Variants in FBXO34 observed in about 807,000 individuals in gnomAD.
The protein encoded by FBXO34 is F-box only protein 34.
FBXO34 carries 12 observed loss-of-function variants against 24.5 expected under a neutral mutation model. The observed-to-expected ratio is 0.49, with a 90% CI of 0.31 to 0.79. The LOEUF (loss-of-function observed/expected upper bound fraction) is 0.79. Among genes scored for constraint, FBXO34 ranks in the 30% least tolerant of loss-of-function variants. The pLI is 0.04. For missense variants in FBXO34, 823 were observed against 857.7 expected (o/e 0.96, Z 0.51); for synonymous variants, 320 against 311.9 (o/e 1.03, Z -0.27).
intron 1 of FBXO34, among the ~76,000 whole-genome samples, chr14:55,307,446 A>G (rs1882591033): frequency 6.6e-6 from 1 of 152,230 alleles, no homozygotes; most frequent in East Asian, 1.9e-4. Flanking sequence ...CACTTCTGTG[A>G]TTAAACACTT....
chr14:55,289,232 T>A (rs1881861942), intron 1 of FBXO34, among the ~76,000 whole-genome samples: 1 of 152,092 alleles, frequency 6.6e-6, no homozygotes, highest in Non-Finnish European at 1.5e-5. Context: ...CTAGTAGTTC[T>A]TAGGTAATTA....
chr14:55,302,582 C>G (rs1485131232), intron 1 of FBXO34, among the ~76,000 whole-genome samples: 1 of 151,184 alleles, frequency 6.6e-6, no homozygotes, highest in Non-Finnish European at 1.5e-5. Context: ...TGAGCCACTG[C>G]ACTTGGCCCG....
the FBXO34 span, among the ~76,000 whole-genome samples, chr14:55,415,443 G>A: frequency 3.3e-5 from 5 of 152,086 alleles, no homozygotes; most frequent in Non-Finnish European, 5.9e-5. Flanking sequence ...ACAATTTCAC[G>A]CCTTGGTAAA....
chr14:55,377,119 G>T, the FBXO34 span, among the ~76,000 whole-genome samples: 1 of 152,158 alleles, frequency 6.6e-6, no homozygotes, highest in African/African-American at 2.4e-5. Context: ...AGCCGAAGCG[G>T]GTGGATCACC....
chr14:55,409,085 C>T, the FBXO34 span, among the ~76,000 whole-genome samples: 5 of 152,136 alleles, frequency 3.3e-5, no homozygotes, highest in East Asian at 1.9e-4. Context: ...GAGATCACTA[C>T]GTAGTCAGGA....
At chr14:55,334,952 A>G (rs1188186510) in intron 1 of FBXO34, among the ~76,000 whole-genome samples, 1 of 152,136 alleles carries the variant, frequency 6.6e-6, no homozygotes, top group Non-Finnish European at 1.5e-5. Flanking sequence ...TGTGGGAGGT[A>G]TAGTGGGATT....
chr14:55,416,600 A>C, the FBXO34 span, among the ~76,000 whole-genome samples: 5 of 152,212 alleles, frequency 3.3e-5, no homozygotes, highest in African/African-American at 1.2e-4. Flanking sequence ...AGAAAAAGCC[A>C]CAAGTTTCAG....
intron 1 of FBXO34, chr14:55,298,582 G>A: frequency 1.3e-6 from 1 of 782,706 alleles, no homozygotes; most frequent in Non-Finnish European, 2.1e-6. Flanking sequence ...CAGGGTGGAG[G>A]CGGAGGAGGG....
chr14:55,371,528 C>T (rs546540588), downstream of FBXO34, among the ~76,000 whole-genome samples: 3 of 151,418 alleles, frequency 2.0e-5, no homozygotes, highest in South Asian at 2.1e-4. Context: ...CCCCTCAGGC[C>T]GGGCGCGGTG....
intron 1 of FBXO34, among the ~76,000 whole-genome samples, chr14:55,281,278 C>CAAAAAA (rs1881533781): frequency 1.0e-5 from 1 of 97,596 alleles, no homozygotes; most frequent in Non-Finnish European, 2.2e-5. Context: ...AAAAAAAAAG[C>CAAAAAA]ACATCTCAGT....
chr14:55,402,945 A>ATG, the FBXO34 span, among the ~76,000 whole-genome samples: 5 of 68,974 alleles, frequency 7.2e-5, no homozygotes, highest in Non-Finnish European at 1.5e-4. Context: ...ATATATATAT[A>ATG]TATATATATA....
chr14:55,387,630 C>T, the FBXO34 span, among the ~76,000 whole-genome samples: 1 of 152,108 alleles, frequency 6.6e-6, no homozygotes, highest in Admixed American at 6.5e-5. Flanking sequence ...TCACTGAGCA[C>T]CACTGAACTT....
intron 1 of FBXO34, among the ~76,000 whole-genome samples, chr14:55,307,371 G>A (rs1427060222): frequency 6.6e-6 from 1 of 152,170 alleles, no homozygotes; most frequent in Non-Finnish European, 1.5e-5. Flanking sequence ...TCTTTTCGTG[G>A]AGGCAAGCAA....
chr14:55,390,902 ATTAC>A, the FBXO34 span: 1 of 1,563,894 alleles, frequency 6.4e-7, no homozygotes. Context: ...AAGGACACGA[ATTAC>A]TTACTTTTCT....
the FBXO34 span, chr14:55,440,578 C>A: frequency 1.3e-6 from 2 of 1,559,982 alleles, no homozygotes; most frequent in East Asian, 4.5e-5. Flanking sequence ...GCGGGGCGGC[C>A]CTCGGCCCAG....
the FBXO34 span, among the ~76,000 whole-genome samples, chr14:55,437,577 T>A: frequency 5.9e-5 from 9 of 152,262 alleles, no homozygotes; most frequent in East Asian, 1.7e-3. Flanking sequence ...TTAGCTACTT[T>A]GGTTAGATCT....
chr14:55,349,625 T>TTTTTTTTTTTTTA, intron 1 of FBXO34, among the ~76,000 whole-genome samples: 1 of 150,120 alleles, frequency 6.7e-6, no homozygotes, highest in East Asian at 1.9e-4. Flanking sequence ...TTTTTTTTTT[T>TTTTTTTTTTTTTA]GAGACAAAGT....
chr14:55,321,163 G>A (rs940196000), intron 1 of FBXO34, among the ~76,000 whole-genome samples: 5 of 123,822 alleles, frequency 4.0e-5, no homozygotes, highest in African/African-American at 1.4e-4. Context: ...TGATATGGGC[G>A]GTTTTTTTTT....
At chr14:55,287,305 A>G (rs1046834700) in intron 1 of FBXO34, among the ~76,000 whole-genome samples, 1 of 152,244 alleles carries the variant, frequency 6.6e-6, no homozygotes, top group African/African-American at 2.4e-5. Context: ...AGTGTTAGCA[A>G]AGGTGTCACA....
Sources: gnomAD v4.1 joint callset for allele counts (sites outside exome capture counted in the v4.1 genomes callset) on GRCh38, gnomAD v4.1.1 for gene constraint, MANE v1.5 for transcripts, NCBI Gene and HGNC (gene_info 2026-07-23, HGNC 2026-07-21) for gene names.